SOX5: variants seen among roughly 807,000 people sequenced by gnomAD.
SOX5 encodes transcription factor SOX-5.
In SOX5, 9 loss-of-function variants were observed where a neutral mutation model predicts 92.0. That is an observed-to-expected ratio of 0.10 (90% CI 0.06 to 0.17). The LOEUF is 0.17. SOX5 is among the 10% of genes least tolerant of loss of function. SOX5 has a pLI of 1.00. For missense variants in SOX5, 642 were observed against 944.5 expected (o/e 0.68, Z 4.20); for synonymous variants, 344 against 336.3 (o/e 1.02, Z -0.25).
At chr12:24,485,308 TAATC>T (rs1331927719) in intron 1 of SOX5, among the ~76,000 whole-genome samples, 1 of 152,226 alleles carries the variant, frequency 6.6e-6, no homozygotes, top group Non-Finnish European at 1.5e-5. Context: ...CTAGCCTTGA[TAATC>T]AAACTTCTAT....
chr12:24,304,931 C>T (rs553800689), intron 2 of SOX5, among the ~76,000 whole-genome samples: 6 of 152,256 alleles, frequency 3.9e-5, no homozygotes, highest in Admixed American at 2.0e-4. Context: ...TTCAGTTCCT[C>T]AGGAAGTCTT....
rs1026187634 is a variant in SOX5, at chr12:23,530,049, T to C, written c.*4170A>G. Reference sequence around the variant, plus strand: ...CTTCAACCTGGGAAGTTGATAGTTATAGGATACTTTAAAATTAAATACTGT... The same window carrying C: ...CTTCAACCTGGGAAGTTGATAGTTACAGGATACTTTAAAATTAAATACTGT... On this transcript the variant is annotated 3_prime_UTR_variant, in exon 15 of 15. Transcript: ENST00000451604. 18 of 152,348 alleles carry C rather than the reference T, an allele frequency of 1.2e-4. No individual in the cohort carries two copies. The highest frequency in any genetic ancestry group is 8.5e-4 in the Admixed American group (13 of 15,298). The allele number at this position is 152,348 out of a possible 1,614,324, so 9.4% of individuals were successfully genotyped here.
At chr12:24,208,000 T>C (rs1421582054) in intron 4 of SOX5, among the ~76,000 whole-genome samples, 1 of 152,314 alleles carries the variant, frequency 6.6e-6, no homozygotes, top group Non-Finnish European at 1.5e-5. Flanking sequence ...AACAAACTGC[T>C]TTTTGTGATT....
chr12:23,704,551 T>C (rs1393345928), intron 6 of SOX5, among the ~76,000 whole-genome samples: 1 of 151,310 alleles, frequency 6.6e-6, no homozygotes, highest in Non-Finnish European at 1.5e-5. Flanking sequence ...TAACGACACC[T>C]AGGAAAGTTG....
intron 3 of SOX5, among the ~76,000 whole-genome samples, chr12:23,822,757 G>A (rs765982154): frequency 1.3e-5 from 2 of 152,170 alleles, no homozygotes; most frequent in Non-Finnish European, 2.9e-5. Flanking sequence ...TCGTGTTGGA[G>A]TCTAAGTCTC....
intron 2 of SOX5, among the ~76,000 whole-genome samples, chr12:24,289,429 G>T (rs1946336136): frequency 6.6e-6 from 1 of 151,628 alleles, no homozygotes; most frequent in Non-Finnish European, 1.5e-5. Flanking sequence ...CCTTTCTTCA[G>T]GACGGTCTTA....
At chr12:24,074,068 C>CA (rs1942166765) in intron 4 of SOX5, among the ~76,000 whole-genome samples, 2 of 151,934 alleles carry the variant, frequency 1.3e-5, no homozygotes, top group South Asian at 4.1e-4. Context: ...GCTCAGTGTA[C>CA]ACAAGATGTA....
chr12:23,911,175 T>C (rs2138396183), intron 1 of SOX5, among the ~76,000 whole-genome samples: 1 of 152,162 alleles, frequency 6.6e-6, no homozygotes, highest in South Asian at 2.1e-4. Flanking sequence ...CTCACCTCCT[T>C]ACCATCATAA....
chr12:23,845,329 A>G (rs1157292653), intron 3 of SOX5, among the ~76,000 whole-genome samples: 1 of 152,198 alleles, frequency 6.6e-6, no homozygotes, highest in Non-Finnish European at 1.5e-5. Flanking sequence ...TCAATTATGC[A>G]TAAGTTTGTA....
intron 2 of SOX5, among the ~76,000 whole-genome samples, chr12:24,341,212 T>C (rs1952536496): frequency 2.6e-5 from 4 of 152,166 alleles, no homozygotes; most frequent in Admixed American, 2.6e-4. Flanking sequence ...CATGGTGGCT[T>C]ATACCTGTAA....
rs191323616 is a variant in SOX5, at chr12:23,675,967, C to T, written c.811-10403G>A. Among the ~76,000 whole-genome samples, 15 of 152,052 alleles carry T rather than the reference C, an allele frequency of 9.9e-5. No homozygotes were observed. The East Asian group carries it at 2.9e-3, about 29-fold the overall frequency. On this transcript the variant is annotated intron_variant, in intron 6 of 14. Coordinates refer to ENST00000451604, the MANE Select transcript of SOX5 (RefSeq NM_006940.6). ...TACCACGTCATATCTATTAGGATGG[C>T]TATTATCAAAAAGACAGGAGATAAA...
intron 1 of SOX5, among the ~76,000 whole-genome samples, chr12:23,926,751 G>A (rs1940066209): frequency 6.6e-6 from 1 of 151,976 alleles, no homozygotes; most frequent in Admixed American, 6.6e-5. Context: ...AATAGTATAT[G>A]GCTAAGGCTG....
intron 1 of SOX5, among the ~76,000 whole-genome samples, chr12:24,512,735 A>T (rs1448059730): frequency 1.3e-5 from 2 of 152,210 alleles, no homozygotes; most frequent in Non-Finnish European, 2.9e-5. Context: ...AAAATAAAGG[A>T]CTACATAGTA....
At chr12:23,577,334 T>C (rs959029041) in intron 9 of SOX5, among the ~76,000 whole-genome samples, 2 of 150,542 alleles carry the variant, frequency 1.3e-5, no homozygotes, top group African/African-American at 4.9e-5. Context: ...GCTGGGACAC[T>C]ACTACGTGGT....
At chr12:24,159,368 T>A (rs1952522234) in intron 4 of SOX5, among the ~76,000 whole-genome samples, 1 of 152,032 alleles carries the variant, frequency 6.6e-6, no homozygotes, top group Non-Finnish European at 1.5e-5. Context: ...TGTTCTTAAA[T>A]AAAAAATTGC....
upstream of SOX5, among the ~76,000 whole-genome samples, chr12:23,955,627 T>C (rs1009052173): frequency 3.9e-5 from 6 of 152,186 alleles, no homozygotes; most frequent in African/African-American, 1.2e-4. Flanking sequence ...TTTTACTCTC[T>C]ACACTATCAA....
At chr12:23,861,238 C>T (rs1272881074) in intron 2 of SOX5, among the ~76,000 whole-genome samples, 1 of 152,078 alleles carries the variant, frequency 6.6e-6, no homozygotes, top group Admixed American at 6.6e-5. Flanking sequence ...TCTAAAATCC[C>T]TGCCACATAA....
At chr12:23,711,674 A>G (rs1462874140) in intron 6 of SOX5, among the ~76,000 whole-genome samples, 2 of 152,212 alleles carry the variant, frequency 1.3e-5, no homozygotes, top group Non-Finnish European at 2.9e-5. Context: ...AACTAAACAG[A>G]AAACGTTAAC....
intron 2 of SOX5, among the ~76,000 whole-genome samples, chr12:24,329,551 C>G (rs1256173696): frequency 6.6e-6 from 1 of 152,134 alleles, no homozygotes; most frequent in Non-Finnish European, 1.5e-5. Context: ...CTAACCATAT[C>G]AAGAATGTTT....
Sources: gnomAD v4.1 joint callset for allele counts (sites outside exome capture counted in the v4.1 genomes callset) on GRCh38, gnomAD v4.1.1 for gene constraint, MANE v1.5 for transcripts, NCBI Gene and HGNC (gene_info 2026-07-23, HGNC 2026-07-21) for gene names.